BAIAP2L2: variants seen among roughly 807,000 people sequenced by gnomAD.
BAIAP2L2 encodes BAR/IMD domain-containing adapter protein 2-like 2.
A neutral mutation model predicts 60.4 loss-of-function variants in BAIAP2L2; 65 were observed. The ratio of observed to expected loss-of-function variants is 1.08; its 90% CI spans 0.88 to 1.32. The LOEUF is 1.32. Among genes scored for constraint, BAIAP2L2 ranks in the 40% most tolerant of loss-of-function variants. The pLI is 0.00. For missense variants in BAIAP2L2, 836 were observed against 741.2 expected (o/e 1.13, Z -1.48); for synonymous variants, 344 against 301.7 (o/e 1.14, Z -1.45).
chr22:38,108,337 C>A lies in BAIAP2L2; in HGVS notation c.132G>T (p.Leu44=), dbSNP rs1170336090. 1.1e-5 allele frequency: 17 copies of A among 1,612,150 alleles called. No individual in the cohort carries two copies. Among genetic ancestry groups the A allele is most frequent in the Non-Finnish European group, 1.4e-5 (17 of 1,179,664 alleles). Residue 44 remains leucine, a synonymous_variant, in exon 3 of 14, where the codon CTG becomes CTT. Coordinates refer to ENST00000381669, the MANE Select transcript of BAIAP2L2 (RefSeq NM_025045.6). The stretch of plus-strand genomic sequence containing the variant: ...TGAAGTAGACCTCGGCCGCCTCGGA[C>A]AGAGCTGTGGACCAGAAGGGACAGG... ...GNNYLRAFHA[L]SEAAEVYFSA... is the part of the protein sequence containing the mutation.
At chr22:38,088,109 T>C (rs1457609683) in intron 10 of BAIAP2L2, among the ~76,000 whole-genome samples, 1 of 152,120 alleles carries the variant, frequency 6.6e-6, no homozygotes, top group African/African-American at 2.4e-5. Flanking sequence ...CACCGTACAC[T>C]ACCCTGCCCA....
intron 4 of BAIAP2L2, among the ~76,000 whole-genome samples, chr22:38,105,339 C>CTTTTTTT (rs1035690122): frequency 2.2e-4 from 21 of 94,992 alleles, no homozygotes; most frequent in African/African-American, 5.3e-4. Flanking sequence ...TTTTTCTTTT[C>CTTTTTTT]TTTTTTTTTT....
chr22:38,089,111 G>T lies in BAIAP2L2; in HGVS notation c.886C>A (p.Arg296Ser). The T allele has an allele frequency of 7.3e-7, 1 of 1,372,078 alleles. No homozygotes were observed. Among genetic ancestry groups the T allele is most frequent in the Non-Finnish European group, 9.4e-7 (1 of 1,069,076 alleles). The allele number at this position is 1,372,078 out of a possible 1,614,324, so 85.0% of individuals were successfully genotyped here. The change falls in exon 9 of 14, where the codon CGC (arginine) becomes AGC (serine). Residue 296 changes from arginine (R) to serine (S), a missense_variant. Transcript: ENST00000381669. ...QLEPDRRSLP[R>S]TPSASSLYSG... ...GGGCACTCACAGGCCGACGGCGTGC[G>T]GGGCAGGGAGCGACGGTCTGGCTCT... is the stretch of plus-strand genomic sequence containing the variant.
At position 38,086,294 on chromosome 22, in the gene BAIAP2L2, G is replaced by A. The variant is rs557966274; in HGVS notation, c.1415C>T (p.Pro472Leu). Residue 472 changes from proline to leucine, a missense_variant, in exon 12 of 14, where the codon CCC (proline) becomes CTC (leucine). By Grantham distance (98) the Pro-to-Leu change is moderately conservative. Coordinates refer to ENST00000381669, the MANE Select transcript of BAIAP2L2 (RefSeq NM_025045.6). ...RAPSPAPPPL[P>L]SSRRSSMGST... Reference sequence around the variant, plus strand: ...GCCCATGCTGCTGCGGCGGCTGCTGGGCAAGGGTGGAGGTGCAGGGCTGGG... The same window carrying A: ...GCCCATGCTGCTGCGGCGGCTGCTGAGCAAGGGTGGAGGTGCAGGGCTGGG... 2 of 1,611,076 alleles carry A rather than the reference G, an allele frequency of 1.2e-6. No homozygotes were observed. The highest frequency in any genetic ancestry group is 1.3e-5 in the African/African-American group (1 of 75,026).
At chr22:38,086,136 G>T in intron 12 of BAIAP2L2, 106 bp downstream of exon 12, 1 of 1,270,118 alleles carries the variant, frequency 7.9e-7, no homozygotes, top group Non-Finnish European at 1.1e-6. Context: ...AGTGAGGCCA[G>T]GTAGGCGGGT....
chr22:38,096,364 T>C (rs2086426284), intron 7 of BAIAP2L2, among the ~76,000 whole-genome samples: 1 of 152,070 alleles, frequency 6.6e-6, no homozygotes, highest in Non-Finnish European at 1.5e-5. Context: ...TTAAATAATA[T>C]GATAAAATGG....
chr22:38,101,892 CA>C (rs1416282298), intron 4 of BAIAP2L2, among the ~76,000 whole-genome samples: 6 of 150,710 alleles, frequency 4.0e-5, no homozygotes, highest in African/African-American at 1.5e-4. Flanking sequence ...CAAACAAAAC[CA>C]CCAAAAGAAA....
intron 1 of BAIAP2L2, among the ~76,000 whole-genome samples, chr22:38,109,502 TG>T: frequency 6.6e-6 from 1 of 152,286 alleles, no homozygotes; most frequent in Non-Finnish European, 1.5e-5. Context: ...ATGGTGCACC[TG>T]GAAGGTTCTC....
intron 4 of BAIAP2L2, 99 bp downstream of exon 4, chr22:38,107,753 T>C: frequency 8.5e-7 from 1 of 1,170,120 alleles, no homozygotes; most frequent in Non-Finnish European, 1.3e-6. Context: ...GCCACGGTCA[T>C]CCTCCCTGGG....
chr22:38,095,274 G>A (rs1180817845), intron 7 of BAIAP2L2, among the ~76,000 whole-genome samples: 1 of 152,244 alleles, frequency 6.6e-6, no homozygotes, highest in African/African-American at 2.4e-5. Context: ...ACCAGGAAGT[G>A]GAGGATGGGA....
At position 38,087,164 on chromosome 22, in the gene BAIAP2L2, G is replaced by GGGACATGGAGGTCATGGA. The variant is rs1569215709; in HGVS notation, c.1201_1218dup (p.Ser401_Ser406dup). The stretch of plus-strand genomic sequence containing the variant: ...TTCCCGGGGTTCATGGGTGTCATGG[G>GGGACATGGAGGTCATGGA]GGACATGGAGGTCATGGAGGTCATG... On this transcript the variant is annotated inframe_insertion, in exon 11 of 14. Transcript: ENST00000381669. 4 of 1,564,264 alleles carry GGGACATGGAGGTCATGGA rather than the reference G, an allele frequency of 2.6e-6. No individual in the cohort carries two copies. The African/African-American group carries it at 5.5e-5, about 21-fold the overall frequency.
At chr22:38,088,466 A>T (rs922101141) in intron 10 of BAIAP2L2, among the ~76,000 whole-genome samples, 3 of 152,184 alleles carry the variant, frequency 2.0e-5, no homozygotes, top group Non-Finnish European at 4.4e-5. Context: ...GTGCTCAAGC[A>T]ATAGGATTTC....
chr22:38,090,199 C>T (rs1326792134), intron 7 of BAIAP2L2: 2 of 148,266 alleles, frequency 1.3e-5, no homozygotes, highest in African/African-American at 5.0e-5. Flanking sequence ...CAAGCTCCGC[C>T]TCCCGGGTTC....
intron 1 of BAIAP2L2, among the ~76,000 whole-genome samples, 177 bp downstream of exon 1, chr22:38,110,298 T>C (rs1254049220): frequency 6.6e-6 from 1 of 151,756 alleles, no homozygotes; most frequent in Non-Finnish European, 1.5e-5. Flanking sequence ...TCCCGCTGTA[T>C]GGCTGAGTGC....
intron 7 of BAIAP2L2, among the ~76,000 whole-genome samples, chr22:38,094,134 G>A (rs540783665): frequency 6.6e-6 from 1 of 152,256 alleles, no homozygotes; most frequent in South Asian, 2.1e-4. Flanking sequence ...GTAGATTCCT[G>A]GTGGCCTGGG....
Position 38,089,231 on chromosome 22 carries a change from GCT to G in BAIAP2L2, c.766-2_766-1del. 1.0e-6 allele frequency: 1 copy of G among 1,001,414 alleles called. No homozygotes were observed. Among genetic ancestry groups the G allele is most frequent in the Admixed American group, 4.4e-5 (1 of 22,838 alleles). The allele number at this position is 1,001,414 out of a possible 1,614,324, so 62.0% of individuals were successfully genotyped here. On this transcript the variant is annotated splice_acceptor_variant, in intron 8 of 13. Transcript: ENST00000381669. LOFTEE classifies it high-confidence loss of function. ...CTGAACTCTCCCAGGGGCCTCGGGG[GCT>G]GCGGGGGAGATGGGCAGGGGAGGGT...
intron 3 of BAIAP2L2, 95 bp downstream of exon 3, chr22:38,108,160 G>A: frequency 8.1e-7 from 1 of 1,240,376 alleles, no homozygotes; most frequent in South Asian, 1.4e-5. Flanking sequence ...GCCCTGGGCT[G>A]AAAGGCCTGT....
intron 6 of BAIAP2L2, 30 bp downstream of exon 6, chr22:38,098,033 T>C (rs181557999): frequency 5.1e-5 from 32 of 626,884 alleles, no homozygotes; most frequent in Non-Finnish European, 7.1e-5. Context: ...CCGCCCTTCC[T>C]GGCCCACCCC....
chr22:38,105,225 T>C (rs2086639646), intron 4 of BAIAP2L2, among the ~76,000 whole-genome samples: 1 of 152,008 alleles, frequency 6.6e-6, no homozygotes, highest in Admixed American at 6.6e-5. Flanking sequence ...ATCTGAGACT[T>C]GCCCTCTACT....
Sources: allele counts gnomAD v4.1 joint callset (sites outside exome capture counted in the v4.1 genomes callset), GRCh38; gene constraint gnomAD v4.1.1; transcripts MANE v1.5; gene names NCBI Gene and HGNC (gene_info 2026-07-23, HGNC 2026-07-21).